WWC1: variants seen among roughly 807,000 people sequenced by gnomAD.
WWC1 encodes WW and C2 domain containing 1, also known as protein KIBRA.
Under a neutral mutation model 138.4 loss-of-function variants are expected in WWC1, and 55 were observed. That is an observed-to-expected ratio of 0.40 (90% CI 0.32 to 0.50). WWC1 has a LOEUF of 0.50. WWC1 is among the 20% of genes least tolerant of loss of function. The pLI, the probability that WWC1 is intolerant of heterozygous loss-of-function variation, is 0.72. For missense variants in WWC1, 1,226 were observed against 1,420.4 expected, an observed-to-expected ratio of 0.86 and a Z score of 2.20; for synonymous variants, 524 against 564.9, an observed-to-expected ratio of 0.93 and a Z score of 1.03.
At chr5:168,400,885 A>T (rs1324924462) in intron 5 of WWC1, among the ~76,000 whole-genome samples, 1 of 140,292 alleles carries the variant, frequency 7.1e-6, no homozygotes, top group East Asian at 2.5e-4. Flanking sequence ...GGAAGAAGAA[A>T]GAAAGGGAGG....
intron 3 of WWC1, among the ~76,000 whole-genome samples, chr5:168,385,859 C>T (rs1778004347): frequency 6.6e-6 from 1 of 152,156 alleles, no homozygotes; most frequent in Non-Finnish European, 1.5e-5. Context: ...ATATTTACCG[C>T]AATTTCAAAA....
At chr5:168,385,099 T>C in intron 2 of WWC1, 112 bp from the exon 3 acceptor site, 1 of 1,019,088 alleles carries the variant, frequency 9.8e-7, no homozygotes, top group Non-Finnish European at 1.4e-6. Flanking sequence ...TTACATTTAT[T>C]GTGATTTGTC....
intron 9 of WWC1, chr5:168,415,236 C>T (rs1043260375): frequency 6.6e-6 from 1 of 152,228 alleles, no homozygotes; most frequent in African/African-American, 2.4e-5. Context: ...GGTGCTGTCT[C>T]TCTGCTCCAG....
chr5:168,408,987 T>C (rs1448079459), intron 7 of WWC1, among the ~76,000 whole-genome samples: 1 of 152,132 alleles, frequency 6.6e-6, no homozygotes, highest in Non-Finnish European at 1.5e-5. Context: ...CATACTATTT[T>C]GCAGTTCCAT....
intron 1 of WWC1, among the ~76,000 whole-genome samples, chr5:168,340,571 A>C (rs1231815905): frequency 6.6e-6 from 1 of 151,810 alleles, no homozygotes; most frequent in Non-Finnish European, 1.5e-5. Context: ...TTTCATATAA[A>C]CAGAGTCATA....
chr5:168,314,139 C>T (rs985933560), intron 1 of WWC1, among the ~76,000 whole-genome samples: 1 of 152,142 alleles, frequency 6.6e-6, no homozygotes, highest in Non-Finnish European at 1.5e-5. Flanking sequence ...AATGAGGTGG[C>T]AGGCACAGAG....
intron 1 of WWC1, among the ~76,000 whole-genome samples, chr5:168,330,858 T>A (rs1772978645): frequency 6.6e-6 from 1 of 152,162 alleles, no homozygotes; most frequent in Non-Finnish European, 1.5e-5. Flanking sequence ...CTTCTGACTA[T>A]AAAAAGAGCT....
chr5:168,388,096 G>T (rs1778181815), intron 3 of WWC1, among the ~76,000 whole-genome samples: 1 of 152,108 alleles, frequency 6.6e-6, no homozygotes, highest in Admixed American at 6.5e-5. Flanking sequence ...TTGGAGAGAT[G>T]GGCAGCCACC....
Position 168,424,056 on chromosome 5 carries a change from C to A in WWC1, c.1798C>A (p.Gln600Lys), listed in dbSNP as rs1781330575. The change falls in exon 11 of 23, where the codon CAG becomes AAG. Residue 600 changes from glutamine to lysine, a missense_variant. Gln to Lys is a moderately conservative substitution (Grantham distance 53). Transcript: ENST00000265293. ...RLEEPGTEGK[Q>K]LGQAVNTAQG... ...GGAGGAACCAGGAACGGAGGGCAAG[C>A]AGCTGGGCCAAGGTAGAGAGCACCA... 1 of 1,599,542 alleles carries A rather than the reference C, an allele frequency of 6.3e-7. No individual in the cohort carries two copies. The highest frequency in any genetic ancestry group is 8.5e-7 in the Non-Finnish European group (1 of 1,173,008).
intron 1 of WWC1, among the ~76,000 whole-genome samples, chr5:168,310,406 A>G (rs925825269): frequency 1.5e-4 from 23 of 149,920 alleles, no homozygotes; most frequent in South Asian, 1.0e-3. Flanking sequence ...GTGTGTGTGT[A>G]TATATATATA....
intron 2 of WWC1, among the ~76,000 whole-genome samples, chr5:168,372,121 C>CCTCA (rs1776807448): frequency 1.3e-5 from 2 of 148,920 alleles, no homozygotes; most frequent in Non-Finnish European, 3.0e-5. Context: ...GTCAGCCCAC[C>CCTCA]CTCACTTCAT....
chr5:168,465,491 A>G (rs1757191785), intron 21 of WWC1, among the ~76,000 whole-genome samples: 1 of 149,624 alleles, frequency 6.7e-6, no homozygotes, highest in African/African-American at 2.5e-5. Flanking sequence ...GGGTTGATCA[A>G]GGAGAAAGAT....
At chr5:168,295,695 CTG>C (rs1021034787) in intron 1 of WWC1, among the ~76,000 whole-genome samples, 1 of 152,194 alleles carries the variant, frequency 6.6e-6, no homozygotes, top group African/African-American at 2.4e-5. Context: ...ATTCCTCCCT[CTG>C]GGGCTGAGCT....
intron 17 of WWC1, among the ~76,000 whole-genome samples, chr5:168,453,229 G>GA (rs34768415): frequency 0.31 from 45,970 of 146,008 alleles, 8,126 homozygotes; most frequent in Middle Eastern, 0.45. Flanking sequence ...GATTCAAAAG[G>GA]AAAAAAAAAA....
intron 1 of WWC1, among the ~76,000 whole-genome samples, chr5:168,301,407 G>T (rs777617397): frequency 2.2e-4 from 34 of 152,150 alleles, no homozygotes; most frequent in Non-Finnish European, 1.8e-4. Context: ...AGGCCAAGGT[G>T]GGTGGATCAC....
intron 5 of WWC1, among the ~76,000 whole-genome samples, chr5:168,405,809 C>T (rs1779738717): frequency 6.6e-6 from 1 of 151,668 alleles, no homozygotes; most frequent in Admixed American, 6.6e-5. Context: ...TCACTACAAC[C>T]TCTGCCTCCC....
intron 1 of WWC1, among the ~76,000 whole-genome samples, chr5:168,365,856 T>A (rs1776251112): frequency 6.6e-6 from 1 of 152,250 alleles, no homozygotes; most frequent in South Asian, 2.1e-4. Flanking sequence ...GCACCCTCCC[T>A]TCTTGCCCCT....
At chr5:168,377,399 G>A (rs938654548) in intron 2 of WWC1, among the ~76,000 whole-genome samples, 11 of 152,080 alleles carry the variant, frequency 7.2e-5, no homozygotes, top group African/African-American at 2.7e-4. Context: ...GTCCTCAAAA[G>A]CAATTGCAAC....
chr5:168,424,138 C>G (rs1781336768), intron 11 of WWC1, 70 bp downstream of exon 11: 5 of 1,504,008 alleles, frequency 3.3e-6, no homozygotes, highest in Non-Finnish European at 4.4e-6. Flanking sequence ...TCAGAACCCC[C>G]CAGTGATCAT....
Sources: allele counts gnomAD v4.1 joint callset (sites outside exome capture counted in the v4.1 genomes callset), GRCh38; gene constraint gnomAD v4.1.1; transcripts MANE v1.5; gene names NCBI Gene and HGNC (gene_info 2026-07-23, HGNC 2026-07-21).